ARHGEF9: variants seen among roughly 807,000 people sequenced by gnomAD.
ARHGEF9 encodes the protein rho guanine nucleotide exchange factor 9.
In ARHGEF9, 2 loss-of-function variants were observed where a neutral mutation model predicts 41.3. That is an observed-to-expected ratio of 0.05 (90% CI 0.02 to 0.15). The LOEUF is 0.15. ARHGEF9 is among the 10% of genes least tolerant of loss of function. ARHGEF9 has a pLI of 1.00. For synonymous variants in ARHGEF9, 160 were observed against 154.4 expected, an observed-to-expected ratio of 1.04 and a Z score of -0.27; for missense variants, 225 against 424.7, an observed-to-expected ratio of 0.53 and a Z score of 4.13.
chrX:63,680,824 T>C (rs1286068914), intron 4 of ARHGEF9, among the ~76,000 whole-genome samples: 3 of 111,367 alleles, frequency 2.7e-5, no homozygotes, highest in Non-Finnish European at 5.6e-5. Flanking sequence ...CCATGGGTTG[T>C]TTTTTCTTCC....
intron 1 of ARHGEF9, among the ~76,000 whole-genome samples, chrX:63,747,393 G>A (rs1363904885): frequency 8.9e-6 from 1 of 111,757 alleles, no homozygotes; most frequent in Non-Finnish European, 1.9e-5. Flanking sequence ...CCCTAGGGTT[G>A]ATTCCTCCTT....
intron 2 of ARHGEF9, among the ~76,000 whole-genome samples, chrX:63,712,068 A>G (rs2052969663): frequency 8.9e-6 from 1 of 112,055 alleles, no homozygotes; most frequent in Non-Finnish European, 1.9e-5. Context: ...AAACCATAAA[A>G]AGATACCACT....
At chrX:63,731,106 T>C (rs1556419782) in intron 1 of ARHGEF9, among the ~76,000 whole-genome samples, 2 of 111,889 alleles carry the variant, frequency 1.8e-5, no homozygotes, top group East Asian at 5.6e-4. Flanking sequence ...CCAATTGCCA[T>C]GAAGGTAGAT....
chrX:63,755,001 C>G (rs2055875113), intron 1 of ARHGEF9: 1 of 936,863 alleles, frequency 1.1e-6, no homozygotes, highest in Admixed American at 5.8e-5. Context: ...CAGTCTCAGT[C>G]TCCCCTACTC....
chrX:63,673,848 C>A (rs1486152615), intron 6 of ARHGEF9, among the ~76,000 whole-genome samples, 190 bp downstream of exon 6: 2 of 111,688 alleles, frequency 1.8e-5, no homozygotes, highest in East Asian at 2.8e-4. Flanking sequence ...ACAAAAATTT[C>A]TCCAAGCTTC....
chrX:63,712,631 A>G (rs1556407563), intron 2 of ARHGEF9, among the ~76,000 whole-genome samples: 1 of 111,884 alleles, frequency 8.9e-6, no homozygotes, highest in African/African-American at 3.2e-5. Context: ...GAATTAGACA[A>G]TGGTGATGGT....
intron 1 of ARHGEF9, among the ~76,000 whole-genome samples, chrX:63,770,533 T>TGAAG (rs2056186929): frequency 8.9e-6 from 1 of 112,165 alleles, no homozygotes; most frequent in Non-Finnish European, 1.9e-5. Flanking sequence ...AAATTAAGGC[T>TGAAG]TTGGGGGACT....
At chrX:63,674,578 T>C (rs1556359821) in intron 5 of ARHGEF9, among the ~76,000 whole-genome samples, 1 of 111,834 alleles carries the variant, frequency 8.9e-6, no homozygotes. Flanking sequence ...TAGACTGCTT[T>C]TGCGCCTCTT....
At chrX:63,656,552 C>T (rs1461680989) in intron 7 of ARHGEF9, 2 of 110,990 alleles carry the variant, frequency 1.8e-5, no homozygotes, top group Admixed American at 9.6e-5. Context: ...GCCACCAATC[C>T]CAAAGTTACA....
At chrX:63,772,844 C>A (rs1272879856) in intron 1 of ARHGEF9, among the ~76,000 whole-genome samples, 3 of 111,537 alleles carry the variant, frequency 2.7e-5, no homozygotes, top group Non-Finnish European at 5.7e-5. Context: ...CTCAAGTGTA[C>A]CAAGTTGTTT....
intron 2 of ARHGEF9, among the ~76,000 whole-genome samples, chrX:63,722,572 C>T (rs2053699301): frequency 2.7e-5 from 3 of 110,984 alleles, no homozygotes; most frequent in South Asian, 3.9e-4. Context: ...ATTCTGAAGT[C>T]TGGCTCTGTC....
intron 1 of ARHGEF9, among the ~76,000 whole-genome samples, chrX:63,752,393 A>G (rs1217739091): frequency 1.8e-5 from 2 of 111,269 alleles, no homozygotes; most frequent in Non-Finnish European, 3.8e-5. Flanking sequence ...AAACAAAAAA[A>G]CAGGTCTGCA....
intron 1 of ARHGEF9, among the ~76,000 whole-genome samples, chrX:63,776,377 C>T (rs1448069400): frequency 9.9e-5 from 11 of 111,669 alleles, no homozygotes; most frequent in Non-Finnish European, 1.9e-4. Context: ...ACAAAGGCAG[C>T]GATACACAAT....
intron 8 of ARHGEF9, among the ~76,000 whole-genome samples, chrX:63,653,516 T>C (rs1415853596): frequency 1.8e-5 from 2 of 111,836 alleles, no homozygotes; most frequent in Non-Finnish European, 1.9e-5. Context: ...CAAGGGGTTA[T>C]AGTTAGATTC....
At chrX:63,722,161 C>T (rs2053667703) in intron 2 of ARHGEF9, among the ~76,000 whole-genome samples, 1 of 111,844 alleles carries the variant, frequency 8.9e-6, no homozygotes, top group Non-Finnish European at 1.9e-5. Context: ...CTGAGGCAAG[C>T]ATCTGGGTTT....
chrX:63,646,905 T>C (rs1488659457), intron 8 of ARHGEF9, among the ~76,000 whole-genome samples: 1 of 111,514 alleles, frequency 9.0e-6, no homozygotes, highest in Non-Finnish European at 1.9e-5. Flanking sequence ...TTTTATTTCA[T>C]TGAGCAGTGG....
intron 1 of ARHGEF9, among the ~76,000 whole-genome samples, chrX:63,750,023 TAG>T (rs782773823): frequency 2.1e-4 from 23 of 112,058 alleles, no homozygotes; most frequent in Admixed American, 9.4e-5. Flanking sequence ...AAATAAGAGC[TAG>T]AGAGTCCAAG....
chrX:63,775,665 G>A (rs2056281426), intron 1 of ARHGEF9, among the ~76,000 whole-genome samples: 1 of 111,334 alleles, frequency 9.0e-6, no homozygotes, highest in South Asian at 3.8e-4. Context: ...AGACACTGAG[G>A]CCTACTTGAG....
intron 1 of ARHGEF9, among the ~76,000 whole-genome samples, chrX:63,726,089 C>G (rs1251820333): frequency 3.6e-5 from 4 of 112,110 alleles, no homozygotes; most frequent in African/African-American, 1.3e-4. Flanking sequence ...CTTAAGTTAA[C>G]ATGTTTTGTT....
Sources: allele counts gnomAD v4.1 joint callset (sites outside exome capture counted in the v4.1 genomes callset), GRCh38; gene constraint gnomAD v4.1.1; transcripts MANE v1.5; gene names NCBI Gene and HGNC (gene_info 2026-07-23, HGNC 2026-07-21).